Variants in SLC5A10 observed in about 807,000 individuals in gnomAD.
SLC5A10 encodes sodium/mannose cotransporter SLC5A10.
In SLC5A10, 55 loss-of-function variants were observed where a neutral mutation model predicts 68.9. That is an observed-to-expected ratio of 0.80 (90% CI 0.64 to 1.00). The LOEUF is 1.00. Among genes scored for constraint, SLC5A10 ranks in the 50% least tolerant of loss-of-function variants. SLC5A10 has a pLI of 0.00. For missense variants in SLC5A10, 732 were observed against 819.3 expected, an observed-to-expected ratio of 0.89 and a Z score of 1.30; for synonymous variants, 344 against 344.8, an observed-to-expected ratio of 1.00 and a Z score of 0.02.
At position 18,971,631 on chromosome 17, in the gene SLC5A10, C is replaced by G; in HGVS notation, c.846+413C>G. The G allele has an allele frequency of 6.2e-7, 1 of 1,613,420 alleles. No individual in the cohort carries two copies. The highest frequency in any genetic ancestry group is 1.1e-5 in the South Asian group (1 of 91,080). On this transcript the variant is annotated intron_variant, in intron 8 of 14. Coordinates refer to ENST00000395645, the MANE Select transcript of SLC5A10 (RefSeq NM_001042450.4). This position sits in a 1 kb window ranked among gnomAD's most constrained non-coding sequence, Gnocchi z 5.5. ...TGGGGGCCAGCCATGGCTGGGCCAG[C>G]GTTTCTGGTAGAGCTCTGGACGCTG...
chr17:19,015,088 T>C lies in SLC5A10; in HGVS notation c.1130T>C (p.Leu377Pro). ...GLMIAVMLAA[L>P]MSSLTSIFNS... is the part of the protein sequence containing the mutation. ...ATGATCGCAGTGATGCTGGCGGCGC[T>C]CATGTCGTCGCTGACCTCCATCTTC... Residue 377 changes from leucine (L) to proline (P), a missense_variant, in exon 11 of 15, where the codon CTC (leucine) becomes CCC (proline). Physicochemically the swap from Leu to Pro is moderately conservative, Grantham distance 98. Transcript: ENST00000395645. 6.2e-7 allele frequency: 1 copy of C among 1,613,160 alleles called. No individual in the cohort carries two copies. The highest frequency in any genetic ancestry group is 8.5e-7 in the Non-Finnish European group (1 of 1,179,460).
At chr17:19,016,731 C>G (rs1337318595) in intron 11 of SLC5A10, among the ~76,000 whole-genome samples, 1 of 152,204 alleles carries the variant, frequency 6.6e-6, no homozygotes, top group Non-Finnish European at 1.5e-5. Flanking sequence ...GTGTCCTGGG[C>G]ACTTGGCCCC....
At chr17:19,010,847 G>A (rs1485749945) in intron 9 of SLC5A10, among the ~76,000 whole-genome samples, 1 of 152,160 alleles carries the variant, frequency 6.6e-6, no homozygotes, top group Non-Finnish European at 1.5e-5. Flanking sequence ...TGTCCCCCAG[G>A]CAAGTTATGT....
intron 9 of SLC5A10, among the ~76,000 whole-genome samples, chr17:18,993,071 C>T (rs993498634): frequency 2.0e-5 from 3 of 152,148 alleles, no homozygotes; most frequent in East Asian, 1.9e-4. Flanking sequence ...TGGGGCGAGA[C>T]GGGCTGGCCT....
At chr17:18,982,196 C>T (rs1276179772) in intron 9 of SLC5A10, among the ~76,000 whole-genome samples, 1 of 152,216 alleles carries the variant, frequency 6.6e-6, no homozygotes, top group Non-Finnish European at 1.5e-5. Flanking sequence ...CCTTGCTGGG[C>T]CTTAGTCTCC....
intron 9 of SLC5A10, among the ~76,000 whole-genome samples, chr17:18,983,311 C>T (rs2043185328): frequency 6.6e-6 from 1 of 152,238 alleles, no homozygotes; most frequent in Non-Finnish European, 1.5e-5. Flanking sequence ...GCTCGAGGCC[C>T]AGAGAGGTGG....
rs565214454 is a variant in SLC5A10, at chr17:19,017,520, C to T, written c.1242-1903C>T. The stretch of plus-strand genomic sequence containing the variant: ...CCGGGTGCAGTACCATGCCGGTGAC[C>T]CTGATGGCTCTGTCCAGCTGAGCAG... On this transcript the variant is annotated intron_variant, in intron 11 of 14. Coordinates refer to ENST00000395645, the MANE Select transcript of SLC5A10 (RefSeq NM_001042450.4). The surrounding 1 kb of genome is among the most constrained non-coding windows in gnomAD (Gnocchi z 5.6). The T allele has an allele frequency of 8.4e-5, 72 of 858,406 alleles. No homozygotes were observed. The South Asian group carries it at 1.1e-3, about 14-fold the overall frequency. 53.2% of individuals were successfully genotyped at this position (858,406 alleles called of 1,614,324 possible). A position where few individuals can be genotyped will look rare whatever the true frequency, so the allele number is the denominator to read the frequency against.
chr17:19,015,002 GCTGT>G, intron 10 of SLC5A10, 43 bp from the exon 11 acceptor site: 1 of 1,585,680 alleles, frequency 6.3e-7, no homozygotes, highest in South Asian at 1.1e-5. Context: ...GGTTCCCGGG[GCTGT>G]CTCAAGGCCG....
chr17:19,003,698 G>A lies in SLC5A10; in HGVS notation c.983-9712G>A, dbSNP rs755904777. On this transcript the variant is annotated intron_variant, in intron 9 of 14. Coordinates refer to ENST00000395645, the MANE Select transcript of SLC5A10 (RefSeq NM_001042450.4). The surrounding 1 kb of genome is among the most constrained non-coding windows in gnomAD (Gnocchi z 4.5). ...CTTCTGGGGCCAGTACTCCAGGGAG[G>A]GCAGCGGCTCGGCCTCGATGGGGAC... 2.5e-6 allele frequency: 4 copies of A among 1,607,652 alleles called. No individual in the cohort carries two copies. In the South Asian group the frequency reaches 3.3e-5, roughly 13 times the overall value.
At position 19,015,197 on chromosome 17, in the gene SLC5A10, A is replaced by ACGGTACGGAGGTGGGGGC; in HGVS notation, c.1241+6_1241+7insAGGTGGGGGCCGGTACGG. Reference sequence around the variant, plus strand: ...GCGAGCGGGAGCTCCTGCTGGTGGGACGGTACGGGGGTGGGGGCCAGTACG... The same window carrying ACGGTACGGAGGTGGGGGC: ...GCGAGCGGGAGCTCCTGCTGGTGGGACGGTACGGAGGTGGGGGCCGGTACGGGGGTGGGGGCCAGTACG... On this transcript the variant is annotated inframe_insertion and splice_region_variant, in exon 11 of 15. Transcript: ENST00000395645. The ACGGTACGGAGGTGGGGGC allele has an allele frequency of 1.1e-6, 1 of 907,520 alleles. No individual in the cohort carries two copies. The highest frequency in any genetic ancestry group is 1.7e-6 in the Non-Finnish European group (1 of 594,040). The allele number at this position is 907,520 out of a possible 1,614,324, so 56.2% of individuals were successfully genotyped here. A position where few individuals can be genotyped will look rare whatever the true frequency, so the allele number is the denominator to read the frequency against.
chr17:18,980,598 C>A (rs1309968815), intron 9 of SLC5A10, among the ~76,000 whole-genome samples: 1 of 152,170 alleles, frequency 6.6e-6, no homozygotes, highest in African/African-American at 2.4e-5. Flanking sequence ...TGACTTCCCT[C>A]CCCCAGGTAG....
chr17:19,006,942 A>T (rs569344191), intron 9 of SLC5A10, among the ~76,000 whole-genome samples: 7 of 152,300 alleles, frequency 4.6e-5, no homozygotes, highest in Admixed American at 6.5e-5. Context: ...TGATTGAAGG[A>T]TATGTGGGGT....
At position 19,000,337 on chromosome 17, in the gene SLC5A10, C is replaced by T. The variant is rs768941046; in HGVS notation, c.983-13073C>T. Among the ~76,000 whole-genome samples the T allele has an allele frequency of 3.9e-5, 6 of 152,170 alleles. No homozygotes were observed. The highest frequency in any genetic ancestry group is 7.3e-5 in the Non-Finnish European group (5 of 68,028). On this transcript the variant is annotated intron_variant, in intron 9 of 14. Transcript: ENST00000395645. The surrounding 1 kb of genome is among the most constrained non-coding windows in gnomAD (Gnocchi z 5.2). ...CAAGGTGTCAGGGCTGAAGGGGCCC[C>T]TAACAGTCTTCAATACCTGTTCCCA...
At chr17:19,011,013 A>G (rs1038566085) in intron 9 of SLC5A10, among the ~76,000 whole-genome samples, 1 of 151,898 alleles carries the variant, frequency 6.6e-6, no homozygotes, top group Non-Finnish European at 1.5e-5. Context: ...CCATGCAGTC[A>G]CTTATTCATT....
At chr17:18,976,772 T>C in intron 8 of SLC5A10, 82 bp from the exon 9 acceptor site, 1 of 1,553,396 alleles carries the variant, frequency 6.4e-7, no homozygotes, top group Non-Finnish European at 8.7e-7. Context: ...CTCATGCCCA[T>C]TCCCTGAGGC....
In SLC5A10 at chr17:19,004,055, C is replaced by A; in HGVS notation, c.983-9355C>A. ...AGAGAAGGCCATGGCGCCGCCTGCC[C>A]GGGCACTGCTGCCGGGGGTGGGTGG... On this transcript the variant is annotated intron_variant, in intron 9 of 14. Coordinates refer to ENST00000395645, the MANE Select transcript of SLC5A10 (RefSeq NM_001042450.4). This position sits in a 1 kb window ranked among gnomAD's most constrained non-coding sequence, Gnocchi z 5.4. 1 of 1,568,778 alleles carries A rather than the reference C, an allele frequency of 6.4e-7. No homozygotes were observed. Among genetic ancestry groups the A allele is most frequent in the South Asian group, 1.2e-5 (1 of 84,572 alleles).
At chr17:18,984,260 C>T (rs1007490708) in intron 9 of SLC5A10, among the ~76,000 whole-genome samples, 13 of 147,324 alleles carry the variant, frequency 8.8e-5, no homozygotes, top group Middle Eastern at 7.0e-3. Flanking sequence ...GATAATGGCA[C>T]GAACCCGGGA....
At position 19,003,498 on chromosome 17, in the gene SLC5A10, A is replaced by T. The variant is rs2152142953; in HGVS notation, c.983-9912A>T. ...CGGTGGCTGGTTGGGCCATGGCTCC[A>T]GGAGTCCCCGCGCTGCCTCACCTTC... is the stretch of plus-strand genomic sequence containing the variant. On this transcript the variant is annotated intron_variant, in intron 9 of 14. Coordinates refer to ENST00000395645, the MANE Select transcript of SLC5A10 (RefSeq NM_001042450.4). This position sits in a 1 kb window ranked among gnomAD's most constrained non-coding sequence, Gnocchi z 4.5. The T allele has an allele frequency of 6.6e-7, 1 of 1,514,948 alleles. No individual in the cohort carries two copies. Among genetic ancestry groups the T allele is most frequent in the Non-Finnish European group, 8.8e-7 (1 of 1,131,112 alleles). The allele number at this position is 1,514,948 out of a possible 1,614,324, so 93.8% of individuals were successfully genotyped here.
intron 9 of SLC5A10, among the ~76,000 whole-genome samples, chr17:18,989,626 G>A (rs183565912): frequency 1.6e-4 from 25 of 152,338 alleles, no homozygotes; most frequent in Middle Eastern, 3.4e-3. Context: ...CCTGAATACC[G>A]CAGCACCTGC....
Sources: allele counts gnomAD v4.1 joint callset (sites outside exome capture counted in the v4.1 genomes callset), GRCh38; gene constraint gnomAD v4.1.1; non-coding constraint Gnocchi (gnomAD v3.1); transcripts MANE v1.5; gene names NCBI Gene and HGNC (gene_info 2026-07-23, HGNC 2026-07-21).